The following GLT6D1 variants were observed in gnomAD, a reference collection of about 807,000 sequenced individuals.
GLT6D1 encodes glycosyltransferase 6 domain containing 1, also known as putative glycosyltransferase 6 domain-containing protein 1.
Under a neutral mutation model 12.3 loss-of-function variants are expected in GLT6D1, and 9 were observed. That is an observed-to-expected ratio of 0.73 (90% CI 0.44 to 1.27). The LOEUF (loss-of-function observed/expected upper bound fraction) is 1.27, where lower values mean the gene tolerates loss of function less well. Among genes scored for constraint, GLT6D1 ranks in the 50% most tolerant of loss-of-function variants. The probability of loss-of-function intolerance (pLI) is 0.00; values close to 1 mark genes in which losing one functional copy is unlikely to be tolerated. For synonymous variants in GLT6D1, 128 were observed against 132.3 expected (o/e 0.97, Z 0.23); for missense variants, 335 against 346.2 (o/e 0.97, Z 0.26).
At chr9:135,631,396 T>A (rs909482300) in intron 3 of GLT6D1, 35 bp downstream of exon 3, 63 of 1,518,840 alleles carry the variant, frequency 4.1e-5, no homozygotes, top group Non-Finnish European at 5.7e-5. Context: ...GTATATTGTT[T>A]GTGTGTGCAT....
chr9:135,629,197 A>C (rs1044646377), intron 3 of GLT6D1, among the ~76,000 whole-genome samples: 3 of 152,170 alleles, frequency 2.0e-5, no homozygotes, highest in African/African-American at 7.2e-5. Context: ...CTCTACAAAA[A>C]AATTCAAAAA....
chr9:135,629,315 G>A (rs978471274), intron 3 of GLT6D1, among the ~76,000 whole-genome samples: 4 of 151,940 alleles, frequency 2.6e-5, no homozygotes, highest in Non-Finnish European at 4.4e-5. Context: ...GGCATGTAGT[G>A]TTTTTATTTT....
chr9:135,635,137 G>C (rs1449860075), intron 2 of GLT6D1, among the ~76,000 whole-genome samples: 2 of 151,512 alleles, frequency 1.3e-5, no homozygotes, highest in Non-Finnish European at 2.9e-5. Flanking sequence ...CCTTCTTTTT[G>C]CTCCTCCAAT....
chr9:135,638,272 G>C (rs1417155734), intron 2 of GLT6D1, among the ~76,000 whole-genome samples: 1 of 152,126 alleles, frequency 6.6e-6, no homozygotes, highest in African/African-American at 2.4e-5. Flanking sequence ...ACCTCCCCCG[G>C]GTCCCTCCCA....
intron 2 of GLT6D1, among the ~76,000 whole-genome samples, chr9:135,637,711 G>A (rs138516813): frequency 2.6e-5 from 4 of 152,176 alleles, no homozygotes; most frequent in Middle Eastern, 3.4e-3. Flanking sequence ...ATTCTATTCA[G>A]TTCTTTTGCT....
rs1187718910 is a variant in GLT6D1, at chr9:135,639,445, T to C, written c.-159A>G. ...CCCCGTGTTCACATCAAAGTCTGCGTTGATTGCATGAAAGAAACGCAATAA... is the reference window on the plus strand; with the variant it reads ...CCCCGTGTTCACATCAAAGTCTGCGCTGATTGCATGAAAGAAACGCAATAA... On this transcript the variant is annotated 5_prime_UTR_variant, in exon 1 of 5. Coordinates refer to ENST00000371763, the MANE Select transcript of GLT6D1 (RefSeq NM_182974.3). 4 of 325,102 alleles carry C rather than the reference T, an allele frequency of 1.2e-5. No individual in the cohort carries two copies. The highest frequency in any genetic ancestry group is 5.7e-5 in the East Asian group (1 of 17,654). 20.1% of individuals were successfully genotyped at this position (325,102 alleles called of 1,614,324 possible).
chr9:135,627,328 C>A (rs1435476247), intron 3 of GLT6D1, among the ~76,000 whole-genome samples: 1 of 152,162 alleles, frequency 6.6e-6, no homozygotes, highest in African/African-American at 2.4e-5. Context: ...AATCTCATTA[C>A]TATGAACAAT....
At chr9:135,635,768 C>G (rs1287618001) in intron 2 of GLT6D1, among the ~76,000 whole-genome samples, 1 of 152,178 alleles carries the variant, frequency 6.6e-6, no homozygotes. Flanking sequence ...AACACGTTGA[C>G]ACGTAAATGT....
At chr9:135,637,854 T>C (rs959117562) in intron 2 of GLT6D1, among the ~76,000 whole-genome samples, 3 of 152,220 alleles carry the variant, frequency 2.0e-5, no homozygotes, top group African/African-American at 7.2e-5. Flanking sequence ...TGCAAAGCTT[T>C]CATTTTTAAA....
At chr9:135,630,406 G>GAA (rs71384006) in intron 3 of GLT6D1, among the ~76,000 whole-genome samples, 7 of 129,378 alleles carry the variant, frequency 5.4e-5, no homozygotes, top group Non-Finnish European at 6.5e-5. Flanking sequence ...CTCTGTCTCA[G>GAA]AAAAAAAAAA....
At chr9:135,629,935 G>A (rs1833601094) in intron 3 of GLT6D1, among the ~76,000 whole-genome samples, 1 of 151,898 alleles carries the variant, frequency 6.6e-6, no homozygotes. Flanking sequence ...CTGTTTGTAT[G>A]GTATACACTT....
At chr9:135,630,834 C>T (rs1833627682) in intron 3 of GLT6D1, among the ~76,000 whole-genome samples, 1 of 152,138 alleles carries the variant, frequency 6.6e-6, no homozygotes, top group Admixed American at 6.5e-5. Flanking sequence ...AGTTTATGCA[C>T]TGTAGACAAG....
intron 4 of GLT6D1, 55 bp from the exon 5 acceptor site, chr9:135,624,725 T>G: frequency 3.9e-5 from 1 of 25,588 alleles, no homozygotes; most frequent in Non-Finnish European, 6.0e-5. Context: ...CTTTTCTTTC[T>G]TTTTTTTTTT....
At chr9:135,636,066 C>T (rs1006124377) in intron 2 of GLT6D1, among the ~76,000 whole-genome samples, 5 of 152,164 alleles carry the variant, frequency 3.3e-5, no homozygotes, top group Admixed American at 2.6e-4. Flanking sequence ...AAACTCCACT[C>T]ATACCCAGCT....
At chr9:135,636,748 TG>T in intron 2 of GLT6D1, among the ~76,000 whole-genome samples, 1 of 152,336 alleles carries the variant, frequency 6.6e-6, no homozygotes, top group East Asian at 1.9e-4. Context: ...GAATGTCACA[TG>T]AGAATTATAC....
At chr9:135,627,005 C>T (rs1833537902) in intron 3 of GLT6D1, among the ~76,000 whole-genome samples, 1 of 152,178 alleles carries the variant, frequency 6.6e-6, no homozygotes, top group Admixed American at 6.5e-5. Context: ...ATCCCCTCAA[C>T]TTGACAAAGA....
At chr9:135,630,586 G>T (rs1045946429) in intron 3 of GLT6D1, among the ~76,000 whole-genome samples, 27 of 151,962 alleles carry the variant, frequency 1.8e-4, no homozygotes, top group African/African-American at 6.3e-4. Context: ...CAGGTGTGCT[G>T]GCAGGCACCT....
At chr9:135,631,321 T>G (rs1833641924) in intron 3 of GLT6D1, 110 bp downstream of exon 3, 1 of 853,824 alleles carries the variant, frequency 1.2e-6, no homozygotes, top group Non-Finnish European at 2.0e-6. Context: ...ACTCCAATTC[T>G]GGAAACGTCC....
rs140163507 is a variant in GLT6D1, at chr9:135,635,451, A to G, written c.71+3666T>C. Reference sequence around the variant, plus strand: ...GCTTTCCTGGAGAATGGTGCCAGAAACCAAGATCTGTTGCTTTCCTGGAGA... The same window carrying G: ...GCTTTCCTGGAGAATGGTGCCAGAAGCCAAGATCTGTTGCTTTCCTGGAGA... On this transcript the variant is annotated intron_variant, in intron 2 of 4. Transcript: ENST00000371763. 3.5e-4 allele frequency among the ~76,000 whole-genome samples: 53 copies of G among 152,244 alleles called. 3 individuals are homozygous for G. In the East Asian group the frequency reaches 0.01, roughly 29 times the overall value.
Sources: gnomAD v4.1 joint callset for allele counts (sites outside exome capture counted in the v4.1 genomes callset) on GRCh38, gnomAD v4.1.1 for gene constraint, MANE v1.5 for transcripts, NCBI Gene and HGNC (gene_info 2026-07-23, HGNC 2026-07-21) for gene names.